Variants in NHSL2 observed in about 807,000 individuals in gnomAD.
NHSL2 encodes NHS-like protein 2.
In NHSL2, 27 loss-of-function variants were observed where a neutral mutation model predicts 53.4. The ratio of observed to expected loss-of-function variants is 0.51; its 90% CI spans 0.37 to 0.70. NHSL2 has a LOEUF of 0.70. Ranked by LOEUF, NHSL2 falls within the 30% of genes least tolerant of loss-of-function variation. The pLI is 0.00. For missense variants in NHSL2, 892 were observed against 980.1 expected, an observed-to-expected ratio of 0.91 and a Z score of 1.20; for synonymous variants, 408 against 404.1, an observed-to-expected ratio of 1.01 and a Z score of -0.12.
rs1230473745 is a variant in NHSL2 at position 72,137,144 on chromosome X, G to C, written c.811G>C (p.Glu271Gln). 8.6e-7 allele frequency: 1 copy of C among 1,165,340 alleles called. No homozygotes were observed. Among genetic ancestry groups the C allele is most frequent in the Non-Finnish European group, 1.1e-6 (1 of 870,573 alleles). ...ASLRHSLFNT[E>Q]TAVNPKSTLR... ...TTTGCGACACTCGTTGTTTAACACA[G>C]AGACAGCCGTGAACCCCAAGTCCAC... The change falls in exon 5 of 8, where the codon GAG (glutamate) becomes CAG (glutamine). Residue 271 changes from glutamate (E) to glutamine (Q), a missense_variant. Coordinates refer to ENST00000633930, the MANE Select transcript of NHSL2 (RefSeq NM_001013627.3).
chrX:72,131,178 A>T, intron 1 of NHSL2: 3 of 1,116,462 alleles, frequency 2.7e-6, no homozygotes, highest in South Asian at 4.0e-5. Context: ...TGGGCAGCAG[A>T]GGGGGGTCAG....
At chrX:72,052,628 C>T (rs768032146) in intron 1 of NHSL2, among the ~76,000 whole-genome samples, 21 of 111,806 alleles carry the variant, frequency 1.9e-4, no homozygotes, top group Admixed American at 9.4e-4. Context: ...AGTCCAGCTT[C>T]CCCCATGTCC....
chrX:71,924,123 T>G (rs1249819707), intron 1 of NHSL2, among the ~76,000 whole-genome samples: 2 of 112,087 alleles, frequency 1.8e-5, no homozygotes, highest in Non-Finnish European at 3.8e-5. Context: ...ACTTACCTTT[T>G]GCTCTTCAGT....
At chrX:72,063,640 A>G (rs1015332469) in intron 1 of NHSL2, among the ~76,000 whole-genome samples, 5 of 111,687 alleles carry the variant, frequency 4.5e-5, no homozygotes, top group Admixed American at 1.9e-4. Context: ...TTCTGCCTCG[A>G]ATAGTCAAGA....
At chrX:72,041,093 T>C (rs191947528) in intron 1 of NHSL2, among the ~76,000 whole-genome samples, 60 of 111,790 alleles carry the variant, frequency 5.4e-4, no homozygotes, top group African/African-American at 1.6e-3. Flanking sequence ...GAGGTTTCAG[T>C]TGGGTCTTAA....
intron 1 of NHSL2, among the ~76,000 whole-genome samples, chrX:71,959,302 C>T (rs1489479863): frequency 8.9e-6 from 1 of 111,977 alleles, no homozygotes; most frequent in Non-Finnish European, 1.9e-5. Context: ...AGGCAGCCCC[C>T]AGAGAGGGAC....
At chrX:71,949,823 C>T (rs907096982) in intron 1 of NHSL2, among the ~76,000 whole-genome samples, 1 of 113,075 alleles carries the variant, frequency 8.8e-6, no homozygotes, top group Non-Finnish European at 1.9e-5. Flanking sequence ...AATCCCCCCT[C>T]TGCCTTCCAC....
chrX:72,078,869 A>G (rs931593933), intron 1 of NHSL2, among the ~76,000 whole-genome samples: 2 of 112,365 alleles, frequency 1.8e-5, no homozygotes, highest in Non-Finnish European at 3.8e-5. Context: ...CCAGAGACCC[A>G]TGCATGAGCC....
chrX:71,986,682 A>T (rs1164402237), intron 1 of NHSL2, among the ~76,000 whole-genome samples: 1 of 112,339 alleles, frequency 8.9e-6, no homozygotes, highest in Non-Finnish European at 1.9e-5. Flanking sequence ...TATGATTTTC[A>T]TAAACCTCTT....
chrX:71,982,055 A>G (rs768928116), intron 1 of NHSL2, among the ~76,000 whole-genome samples: 1 of 112,695 alleles, frequency 8.9e-6, no homozygotes, highest in South Asian at 3.7e-4. Flanking sequence ...CATTATTTGT[A>G]ATAGCCAAAA....
chrX:71,924,948 T>G (rs913371152), intron 1 of NHSL2, among the ~76,000 whole-genome samples: 17 of 112,544 alleles, frequency 1.5e-4, no homozygotes, highest in African/African-American at 4.8e-4. Context: ...TGTTATGTAT[T>G]ATCATCTTTT....
intron 1 of NHSL2, among the ~76,000 whole-genome samples, chrX:72,091,467 A>AT (rs200187094): frequency 9.2e-6 from 1 of 108,927 alleles, no homozygotes; most frequent in Non-Finnish European, 1.9e-5. Context: ...AAAAAAAAAA[A>AT]TTTTGACGGT....
intron 1 of NHSL2, among the ~76,000 whole-genome samples, chrX:72,093,616 G>A (rs2041915016): frequency 8.9e-6 from 1 of 112,536 alleles, no homozygotes; most frequent in Non-Finnish European, 1.9e-5. Context: ...GATAGATGTT[G>A]AGGATGCTTC....
rs1280982405 is a variant in NHSL2 at position 72,140,473 on chromosome X, C to T, written c.2925C>T (p.Gly975=). 1.7e-6 allele frequency: 2 copies of T among 1,207,728 alleles called. No individual in the cohort carries two copies. The highest frequency in any genetic ancestry group is 2.2e-6 in the Non-Finnish European group (2 of 894,034). ...QPPQGSVEDE[G]PKVRVLPERI... Reference sequence around the variant, plus strand: ...CCCAGGGAAGTGTAGAGGACGAGGGCCCCAAGGTGAGGGTTCTGCCTGAAA... The same window carrying T: ...CCCAGGGAAGTGTAGAGGACGAGGGTCCCAAGGTGAGGGTTCTGCCTGAAA... Residue 975 remains glycine, a synonymous_variant, in exon 6 of 8, where the codon GGC becomes GGT. Coordinates refer to ENST00000633930, the MANE Select transcript of NHSL2 (RefSeq NM_001013627.3).
At chrX:71,974,995 C>A (rs1162364898) in intron 1 of NHSL2, among the ~76,000 whole-genome samples, 1 of 112,186 alleles carries the variant, frequency 8.9e-6, no homozygotes, top group East Asian at 2.8e-4. Flanking sequence ...TCAGCCATGG[C>A]AGCTGTCACT....
At chrX:72,031,700 G>A (rs1378872211) in intron 1 of NHSL2, among the ~76,000 whole-genome samples, 2 of 101,569 alleles carry the variant, frequency 2.0e-5, no homozygotes, top group Non-Finnish European at 3.9e-5. Context: ...CTGCTTTCTC[G>A]CTCCTTTCCA....
intron 1 of NHSL2, among the ~76,000 whole-genome samples, chrX:71,962,081 G>T (rs1279190512): frequency 1.8e-5 from 2 of 111,964 alleles, no homozygotes; most frequent in Non-Finnish European, 3.8e-5. Context: ...TGATCATGTG[G>T]TCTTTTTCCT....
intron 1 of NHSL2, among the ~76,000 whole-genome samples, chrX:72,065,948 G>A (rs756986281): frequency 8.0e-5 from 9 of 112,225 alleles, no homozygotes; most frequent in African/African-American, 2.6e-4. Context: ...AGATGAAGCC[G>A]GTTCTGAGTA....
intron 1 of NHSL2, among the ~76,000 whole-genome samples, chrX:72,074,464 C>T (rs1184736077): frequency 8.9e-6 from 1 of 112,101 alleles, no homozygotes; most frequent in Non-Finnish European, 1.9e-5. Flanking sequence ...AAATTCTAGG[C>T]CACCGAACAA....
Sources: gnomAD v4.1 joint callset for allele counts (sites outside exome capture counted in the v4.1 genomes callset) on GRCh38, gnomAD v4.1.1 for gene constraint, MANE v1.5 for transcripts, NCBI Gene and HGNC (gene_info 2026-07-23, HGNC 2026-07-21) for gene names.